Variants in CHRM3 observed in about 807,000 individuals in gnomAD.
CHRM3 encodes the protein muscarinic acetylcholine receptor M3.
In CHRM3, 11 loss-of-function variants were observed where a neutral mutation model predicts 41.8. That is an observed-to-expected ratio of 0.26 (90% CI 0.17 to 0.44). The LOEUF is 0.44. Among genes scored for constraint, CHRM3 ranks in the 20% least tolerant of loss-of-function variants. CHRM3 has a pLI of 1.00. For synonymous variants in CHRM3, 297 were observed against 301.4 expected, an observed-to-expected ratio of 0.99 and a Z score of 0.15; for missense variants, 571 against 745.4, an observed-to-expected ratio of 0.77 and a Z score of 2.72.
intron 1 of CHRM3, among the ~76,000 whole-genome samples, chr1:239,422,990 T>A (rs1437976904): frequency 3.3e-5 from 5 of 152,240 alleles, no homozygotes; most frequent in African/African-American, 1.2e-4. Flanking sequence ...AGATCCTAAG[T>A]TCTGAGTGCC....
intron 6 of CHRM3, among the ~76,000 whole-genome samples, chr1:239,879,483 T>G (rs944328503): frequency 1.8e-4 from 27 of 152,244 alleles, no homozygotes; most frequent in Admixed American, 1.5e-3. Flanking sequence ...TGCCTGTGTT[T>G]ATTAAAACAT....
At position 239,684,768 on chromosome 1, in the gene CHRM3, AAG is replaced by A. The variant is rs1553363707; in HGVS notation, c.-147+6484_-147+6485del. Reference sequence around the variant, plus strand: ...AGAAAGAGAAAGAAAGAAAGAAAGAAAGAGAAAGAGAAAGAAAAGAGAAGAGA... The same window carrying A: ...AGAAAGAGAAAGAAAGAAAGAAAGAAAGAAAGAGAAAGAAAAGAGAAGAGA... On this transcript the variant is annotated intron_variant, in intron 5 of 6. Coordinates refer to ENST00000676153, the MANE Select transcript of CHRM3 (RefSeq NM_001375978.1). Among the ~76,000 whole-genome samples, 72 of 138,942 alleles carry A rather than the reference AAG, an allele frequency of 5.2e-4. 1 individual carries two copies. Among genetic ancestry groups the A allele is most frequent in the Middle Eastern group, 7.8e-3 (2 of 256 alleles). 91.2% of individuals were successfully genotyped at this position (138,942 alleles called of 152,430 possible).
At chr1:239,758,451 T>C (rs1047150750) in intron 5 of CHRM3, among the ~76,000 whole-genome samples, 2 of 152,212 alleles carry the variant, frequency 1.3e-5, no homozygotes, top group Non-Finnish European at 2.9e-5. Flanking sequence ...ATTGTAATGA[T>C]ATTGTACAAG....
At chr1:239,451,041 C>T (rs1055932040) in intron 1 of CHRM3, among the ~76,000 whole-genome samples, 5 of 152,120 alleles carry the variant, frequency 3.3e-5, no homozygotes, top group South Asian at 4.2e-4. Context: ...GGCAACACAG[C>T]GAGACCCCTG....
intron 1 of CHRM3, among the ~76,000 whole-genome samples, chr1:239,465,914 C>A (rs1255388624): frequency 1.3e-5 from 2 of 152,164 alleles, no homozygotes; most frequent in Non-Finnish European, 2.9e-5. Flanking sequence ...AACTGCTCCT[C>A]TTCCTCTTCC....
At chr1:239,785,502 A>G (rs1188672780) in intron 5 of CHRM3, among the ~76,000 whole-genome samples, 2 of 152,194 alleles carry the variant, frequency 1.3e-5, no homozygotes, top group Admixed American at 6.5e-5. Flanking sequence ...GACCACATAG[A>G]TAGCTTGTTT....
chr1:239,561,763 G>C (rs1374609237), intron 3 of CHRM3, among the ~76,000 whole-genome samples: 1 of 152,002 alleles, frequency 6.6e-6, no homozygotes, highest in Non-Finnish European at 1.5e-5. Context: ...GAAAAGTAGA[G>C]AAAATACCTG....
chr1:239,874,748 G>T (rs1676972324), intron 6 of CHRM3, among the ~76,000 whole-genome samples: 1 of 151,710 alleles, frequency 6.6e-6, no homozygotes, highest in Non-Finnish European at 1.5e-5. Flanking sequence ...GCCCAGGCTG[G>T]AGTGCAATGG....
At chr1:239,809,734 A>G (rs1670966634) in intron 5 of CHRM3, among the ~76,000 whole-genome samples, 1 of 151,120 alleles carries the variant, frequency 6.6e-6, no homozygotes, top group African/African-American at 2.4e-5. Flanking sequence ...CCTGGACTCA[A>G]GCTATCCTCT....
rs980273510 is a variant in CHRM3, at chr1:239,716,117, C to T, written c.-147+37829C>T. Among the ~76,000 whole-genome samples, 9 of 151,926 alleles carry T rather than the reference C, an allele frequency of 5.9e-5. 1 individual carries two copies. The highest frequency in any genetic ancestry group is 2.2e-4 in the African/African-American group (9 of 41,346). On this transcript the variant is annotated intron_variant, in intron 5 of 6. Coordinates refer to ENST00000676153, the MANE Select transcript of CHRM3 (RefSeq NM_001375978.1). The stretch of plus-strand genomic sequence containing the variant: ...CAAGAATTCAAACGAGAAGTGGGTA[C>T]TAACAGGAGGATGTTTGAAGTGATA...
chr1:239,469,593 G>T (rs1665968812), intron 1 of CHRM3, among the ~76,000 whole-genome samples: 2 of 151,934 alleles, frequency 1.3e-5, no homozygotes. Context: ...GTCTCTCTCT[G>T]CTGCCCAGGC....
intron 6 of CHRM3, among the ~76,000 whole-genome samples, chr1:239,846,167 C>T (rs147133984): frequency 4.3e-4 from 66 of 151,820 alleles, no homozygotes; most frequent in Middle Eastern, 6.8e-3. Flanking sequence ...TAAATTTGTG[C>T]TTTGTTTCCG....
intron 1 of CHRM3, among the ~76,000 whole-genome samples, chr1:239,429,695 T>C (rs1333274435): frequency 6.6e-6 from 1 of 152,178 alleles, no homozygotes; most frequent in Non-Finnish European, 1.5e-5. Flanking sequence ...GTATTTTTAT[T>C]TGGTTAGTCT....
Position 239,529,960 on chromosome 1 carries a change from C to T in CHRM3, c.-421-15681C>T, listed in dbSNP as rs997160474. Among the ~76,000 whole-genome samples, 6 of 152,076 alleles carry T rather than the reference C, an allele frequency of 3.9e-5. No individual in the cohort carries two copies. In the East Asian group the frequency reaches 5.8e-4, roughly 15 times the overall value. On this transcript the variant is annotated intron_variant, in intron 2 of 6. Transcript: ENST00000676153. ...TCGCCCAGGCTGGAGTGCAGTGGCG[C>T]GATCTCGGCTCACTGCAAGCTCCGC...
rs12089678 is a variant in CHRM3, at chr1:239,556,621, C to T, written c.-313+10872C>T. On this transcript the variant is annotated intron_variant, in intron 3 of 6. Coordinates refer to ENST00000676153, the MANE Select transcript of CHRM3 (RefSeq NM_001375978.1). ...AGTAATTAAAGCTCCAGTTCAATTC[C>T]GATACTTCTAATACTAAGCCTGTTA... 4.1e-3 allele frequency among the ~76,000 whole-genome samples: 619 copies of T among 152,224 alleles called. 7 individuals are homozygous for T. Among genetic ancestry groups the T allele is most frequent in the African/African-American group, 0.014 (580 of 41,546 alleles).
At chr1:239,407,752 TAGA>T (rs1449644717) in intron 1 of CHRM3, among the ~76,000 whole-genome samples, 2 of 152,094 alleles carry the variant, frequency 1.3e-5, no homozygotes, top group Non-Finnish European at 2.9e-5. Flanking sequence ...ATTTTTCTAT[TAGA>T]AGTAGATGAG....
At chr1:239,764,412 A>G (rs1240957409) in intron 5 of CHRM3, among the ~76,000 whole-genome samples, 1 of 152,210 alleles carries the variant, frequency 6.6e-6, no homozygotes, top group Non-Finnish European at 1.5e-5. Flanking sequence ...CTGCATGGTG[A>G]GTGCATATTG....
chr1:239,396,770 G>A (rs949227275), intron 1 of CHRM3, among the ~76,000 whole-genome samples: 14 of 152,104 alleles, frequency 9.2e-5, no homozygotes, highest in African/African-American at 2.9e-4. Flanking sequence ...TTGATGTCAC[G>A]ACAGGATTGC....
intron 1 of CHRM3, among the ~76,000 whole-genome samples, chr1:239,447,392 G>A (rs1258545760): frequency 2.0e-5 from 3 of 151,932 alleles, no homozygotes; most frequent in African/African-American, 7.2e-5. Context: ...AATATCTCAA[G>A]AATGTGGGGA....
Sources: allele counts gnomAD v4.1 joint callset (sites outside exome capture counted in the v4.1 genomes callset), GRCh38; gene constraint gnomAD v4.1.1; transcripts MANE v1.5; gene names NCBI Gene and HGNC (gene_info 2026-07-23, HGNC 2026-07-21).